Variants in KCNC1 observed in about 807,000 individuals in gnomAD.
The protein encoded by KCNC1 is voltage-gated potassium channel KCNC1.
In KCNC1, 8 loss-of-function variants were observed where a neutral mutation model predicts 43.4. That is an observed-to-expected ratio of 0.18 (90% CI 0.11 to 0.33). KCNC1 has a LOEUF of 0.33. KCNC1 is among the 10% of genes least tolerant of loss of function. KCNC1 has a pLI of 1.00. For missense variants in KCNC1, 420 were observed against 836.0 expected (o/e 0.50, Z 6.14); for synonymous variants, 361 against 360.5 (o/e 1.00, Z -0.01).
rs1848807651 is a variant in KCNC1 at position 17,739,254 on chromosome 11, A to G, written c.570+2682A>G. Among the ~76,000 whole-genome samples, 1 of 152,022 alleles carries G rather than the reference A, an allele frequency of 6.6e-6. No individual in the cohort carries two copies. The highest frequency in any genetic ancestry group is 6.5e-5 in the Admixed American group (1 of 15,274). ...CAGCATGTTGTGTGTGATCTTGCAT[A>G]TGTGTGTGAAGGAAAGGCTGTATGT... On this transcript the variant is annotated intron_variant, in intron 1 of 3. Transcript: ENST00000265969. The surrounding 1 kb of genome is among the most constrained non-coding windows in gnomAD (Gnocchi z 4.2).
rs546648413 is a variant in KCNC1 at position 17,779,888 on chromosome 11, G to C, written c.1693+244G>C. ...TGTGGGTTGCTGGGAGTTGAGAGGG[G>C]ATTGGACAGGTTGACTTTAGGCCAT... On this transcript the variant is annotated intron_variant, in intron 3 of 3. Coordinates refer to ENST00000265969, the MANE Select transcript of KCNC1 (RefSeq NM_001112741.2). This position sits in a 1 kb window ranked among gnomAD's most constrained non-coding sequence, Gnocchi z 7.2. The C allele has an allele frequency of 1.6e-4, 60 of 373,548 alleles. No homozygotes were observed. In the East Asian group the frequency reaches 2.4e-3, roughly 15 times the overall value. The allele number at this position is 373,548 out of a possible 1,614,324, so 23.1% of individuals were successfully genotyped here.
At chr11:17,763,807 A>AC (rs1242599041) in intron 1 of KCNC1, among the ~76,000 whole-genome samples, 2 of 126,364 alleles carry the variant, frequency 1.6e-5, no homozygotes, top group Non-Finnish European at 3.3e-5. Flanking sequence ...ACACACACAG[A>AC]CCCCCACACA....
At position 17,768,613 on chromosome 11, in the gene KCNC1, G is replaced by GT. The variant is rs1849182950; in HGVS notation, c.571-3052_571-3051insT. Among the ~76,000 whole-genome samples the GT allele has an allele frequency of 3.8e-4, 4 of 10,574 alleles. No individual in the cohort carries two copies. In the South Asian group the frequency reaches 0.011, roughly 28 times the overall value. The allele number at this position is 10,574 out of a possible 152,430, so 6.9% of individuals were successfully genotyped here. A position where few individuals can be genotyped will look rare whatever the true frequency, so the allele number is the denominator to read the frequency against. On this transcript the variant is annotated intron_variant, in intron 1 of 3. Transcript: ENST00000265969. ...AGTACAGTGGAGAATGGATGTTGGT[G>GT]GGGGGGGGGGCGGTTTGGGAATGGG...
At chr11:17,758,338 C>T (rs1849043579) in intron 1 of KCNC1, among the ~76,000 whole-genome samples, 1 of 152,242 alleles carries the variant, frequency 6.6e-6, no homozygotes, top group Non-Finnish European at 1.5e-5. Context: ...ACTTCCTCCA[C>T]TGGAGTCTTG....
chr11:17,759,977 G>A (rs1040930263), intron 1 of KCNC1, among the ~76,000 whole-genome samples: 4 of 152,108 alleles, frequency 2.6e-5, no homozygotes, highest in South Asian at 4.1e-4. Context: ...AAACGCAGTC[G>A]AACGAGGCAT....
In KCNC1 at chr11:17,746,778, C is replaced by T. The variant is rs147588165; in HGVS notation, c.570+10206C>T. Among the ~76,000 whole-genome samples the T allele has an allele frequency of 2.8e-3, 420 of 152,260 alleles. 15 individuals carry two copies. In the East Asian group the frequency reaches 0.073, roughly 26 times the overall value. Reference sequence around the variant, plus strand: ...ATTTTGGGAATATGACCTGGAGCCCCTTTCTCTGCAAGAGCATAGCCCCTT... The same window carrying T: ...ATTTTGGGAATATGACCTGGAGCCCTTTTCTCTGCAAGAGCATAGCCCCTT... On this transcript the variant is annotated intron_variant, in intron 1 of 3. Transcript: ENST00000265969.
At chr11:17,737,806 C>T (rs374715685) in intron 1 of KCNC1, among the ~76,000 whole-genome samples, 49 of 152,320 alleles carry the variant, frequency 3.2e-4, no homozygotes, top group African/African-American at 1.1e-3. Context: ...GTCTTTTACT[C>T]CGCATCTCTC....
intron 1 of KCNC1, among the ~76,000 whole-genome samples, chr11:17,746,420 C>T (rs1213724513): frequency 6.6e-6 from 1 of 152,236 alleles, no homozygotes; most frequent in Non-Finnish European, 1.5e-5. Context: ...CAAGTTCCTA[C>T]GTCCCACTTG....
Position 17,772,192 on chromosome 11 carries a change from C to A in KCNC1, c.1098C>A (p.Ala366=). 6.2e-7 allele frequency: 1 copy of A among 1,614,064 alleles called. No homozygotes were observed. The highest frequency in any genetic ancestry group is 8.5e-7 in the Non-Finnish European group (1 of 1,180,032). The change falls in exon 2 of 4, where the codon GCC becomes GCA. Residue 366 remains alanine (A), a synonymous_variant. Transcript: ENST00000265969. ...VLIFATMIYY[A]ERIGAQPNDP... ...TCTTCGCCACCATGATCTACTACGCCGAGAGGATAGGGGCACAGCCCAATG... is the reference window on the plus strand; with the variant it reads ...TCTTCGCCACCATGATCTACTACGCAGAGAGGATAGGGGCACAGCCCAATG...
intron 2 of KCNC1, chr11:17,774,690 C>G: frequency 2.0e-6 from 2 of 985,510 alleles, no homozygotes; most frequent in South Asian, 9.4e-5. Context: ...TTCAGGGGCC[C>G]AGACAGTTCT....
At chr11:17,780,472 G>C (rs917316161) in intron 3 of KCNC1, 3 of 152,382 alleles carry the variant, frequency 2.0e-5, no homozygotes, top group Non-Finnish European at 2.9e-5. Context: ...GGGCGCCCGA[G>C]CTCAAGGCTC....
intron 1 of KCNC1, among the ~76,000 whole-genome samples, chr11:17,737,998 A>T (rs1353277251): frequency 6.6e-6 from 1 of 150,394 alleles, no homozygotes; most frequent in Non-Finnish European, 1.5e-5. Flanking sequence ...ACAGTATGGT[A>T]TGTCGGGGCG....
intron 1 of KCNC1, among the ~76,000 whole-genome samples, chr11:17,765,528 C>T (rs948454159): frequency 1.1e-4 from 17 of 152,210 alleles, no homozygotes; most frequent in Admixed American, 6.5e-5. Context: ...GCTTCACCAC[C>T]CTGGTTACCA....
intron 1 of KCNC1, among the ~76,000 whole-genome samples, chr11:17,755,796 C>T (rs1849016474): frequency 6.6e-6 from 1 of 152,108 alleles, no homozygotes; most frequent in South Asian, 2.1e-4. Context: ...AGGGGAAGGG[C>T]TGGGCTGGAG....
chr11:17,746,701 A>G (rs1320673709), intron 1 of KCNC1, among the ~76,000 whole-genome samples: 1 of 152,116 alleles, frequency 6.6e-6, no homozygotes, highest in Non-Finnish European at 1.5e-5. Context: ...CATTCAGTAG[A>G]AAGTGTATGG....
intron 1 of KCNC1, among the ~76,000 whole-genome samples, chr11:17,756,823 A>G (rs1359037084): frequency 6.6e-6 from 1 of 152,204 alleles, no homozygotes; most frequent in Non-Finnish European, 1.5e-5. Context: ...GCCTATTGTC[A>G]TCATAATGGG....
chr11:17,758,723 A>AT (rs1272839582), intron 1 of KCNC1, among the ~76,000 whole-genome samples: 1 of 152,148 alleles, frequency 6.6e-6, no homozygotes, highest in African/African-American at 2.4e-5. Flanking sequence ...GAAAGGAATC[A>AT]TTTTTTCTGA....
In KCNC1 at chr11:17,736,133, G is replaced by A. The variant is rs773455390; in HGVS notation, c.131G>A (p.Ser44Asn). ...TGGCTGGCGGAGCCCGACGCCCACA[G>A]CCACTTCGACTATGACCCGCGTGCT... The part of the protein sequence containing the change: ...LAWLAEPDAH[S>N]HFDYDPRADE... The change falls in exon 1 of 4, where the codon AGC (serine) becomes AAC (asparagine). Residue 44 changes from serine to asparagine, a missense_variant. Ser to Asn is a conservative substitution (Grantham distance 46). This residue lies in a region of KCNC1 where 42 missense variants were observed against 81.5 expected (regional missense o/e 0.52). Coordinates refer to ENST00000265969, the MANE Select transcript of KCNC1 (RefSeq NM_001112741.2). The surrounding 1 kb of genome is among the most constrained non-coding windows in gnomAD (Gnocchi z 9.3). The A allele has an allele frequency of 2.5e-6, 4 of 1,612,514 alleles. No individual in the cohort carries two copies. The African/African-American group carries it at 4.0e-5, about 16-fold the overall frequency.
In KCNC1 at chr11:17,782,980, G is replaced by A. The variant is rs1015143638; in HGVS notation, c.*1246G>A. ...GCTCACAACATTTCCTGGAAAGAGA[G>A]CAATGATGCTTTAGCTCAACAACCT... On this transcript the variant is annotated 3_prime_UTR_variant, in exon 4 of 4. Transcript: ENST00000265969. 1.3e-5 allele frequency: 2 copies of A among 152,218 alleles called. No individual in the cohort carries two copies. Among genetic ancestry groups the A allele is most frequent in the Non-Finnish European group, 2.9e-5 (2 of 68,044 alleles). The allele number at this position is 152,218 out of a possible 1,614,324, so 9.4% of individuals were successfully genotyped here.
Sources: allele counts gnomAD v4.1 joint callset (sites outside exome capture counted in the v4.1 genomes callset), GRCh38; gene constraint gnomAD v4.1.1; regional missense constraint gnomAD v4.1.1; non-coding constraint Gnocchi (gnomAD v3.1); transcripts MANE v1.5; gene names NCBI Gene and HGNC (gene_info 2026-07-23, HGNC 2026-07-21).